Variants in SRRM2 observed in about 807,000 individuals in gnomAD.
SRRM2 encodes the protein serine/arginine repetitive matrix 2, also known as serine/arginine repetitive matrix protein 2.
SRRM2 carries 30 observed loss-of-function variants against 213.8 expected under a neutral mutation model. The ratio of observed to expected loss-of-function variants is 0.14; its 90% CI spans 0.10 to 0.19. The LOEUF (loss-of-function observed/expected upper bound fraction) is 0.19, where lower values mean the gene tolerates loss of function less well. Among genes scored for constraint, SRRM2 ranks in the 10% least tolerant of loss-of-function variants. The pLI is 1.00. For missense variants in SRRM2, 4,904 were observed against 3,647.0 expected (o/e 1.34, Z -8.88); for synonymous variants, 2,025 against 1,377.7 (o/e 1.47, Z -10.40).
rs142769330 is a variant in SRRM2, at chr16:2,767,730, T to C, written c.7202T>C (p.Leu2401Pro). The C allele has an allele frequency of 1.9e-6, 3 of 1,612,658 alleles. No individual in the cohort carries two copies. Among genetic ancestry groups the C allele is most frequent in the Admixed American group, 1.7e-5 (1 of 59,702 alleles). Residue 2401 changes from leucine (L) to proline (P), a missense_variant, in exon 11 of 15, where the codon CTC (leucine) becomes CCC (proline). Transcript: ENST00000301740. ...GTCAGTGGCAGAACCTCACCACCGC[T>C]CCTTGACCGAGCTAGGTCCAGAACA... ...ERVSGRTSPP[L>P]LDRARSRTPP... is the part of the protein sequence containing the mutation.
chr16:2,765,175 C>T lies in SRRM2; in HGVS notation c.4647C>T (p.Pro1549=). ...CCTCTCAAGAACTTGATGTGAAACCCAGTGCATCCCCTCAGGAAAGAAGTG... is the reference window on the plus strand; with the variant it reads ...CCTCTCAAGAACTTGATGTGAAACCTAGTGCATCCCCTCAGGAAAGAAGTG... ...SGSSQELDVK[P]SASPQERSES... is the part of the protein sequence containing the mutation. The change falls in exon 11 of 15, where the codon CCC becomes CCT. Residue 1549 remains proline (P), a synonymous_variant. Transcript: ENST00000301740. The T allele has an allele frequency of 2.5e-6, 4 of 1,614,190 alleles. No individual in the cohort carries two copies. In the South Asian group the frequency reaches 4.4e-5, roughly 18 times the overall value.
Position 2,764,713 on chromosome 16 carries a change from G to T in SRRM2, c.4185G>T (p.Gly1395=). Residue 1395 remains glycine (G), a synonymous_variant, in exon 11 of 15, where the codon GGG becomes GGT. Transcript: ENST00000301740. The stretch of plus-strand genomic sequence containing the variant: ...CCCCAGATGCAGTGGAAAAGGCAGG[G>T]ATGTCTTCAAATCAGAGCATCTCTT... ...ELSPDAVEKA[G]MSSNQSISSP... 1 of 1,614,092 alleles carries T rather than the reference G, an allele frequency of 6.2e-7. No homozygotes were observed. Among genetic ancestry groups the T allele is most frequent in the Non-Finnish European group, 8.5e-7 (1 of 1,180,038 alleles).
At chr16:2,760,005 A>G (rs1567224234) in intron 9 of SRRM2, 1 of 542,090 alleles carries the variant, frequency 1.8e-6, no homozygotes, top group South Asian at 2.2e-5. Context: ...AGGTGGGCTC[A>G]GAGGTGAGTT....
chr16:2,761,190 C>T (rs572108731), intron 10 of SRRM2, among the ~76,000 whole-genome samples: 4 of 152,138 alleles, frequency 2.6e-5, no homozygotes, highest in African/African-American at 4.8e-5. Context: ...CATGCTGTTT[C>T]TTTTCGTTTA....
At position 2,765,349 on chromosome 16, in the gene SRRM2, G is replaced by A. The variant is rs1016452739; in HGVS notation, c.4821G>A (p.Lys1607=). 1.9e-6 allele frequency: 3 copies of A among 1,614,000 alleles called. No homozygotes were observed. The highest frequency in any genetic ancestry group is 2.7e-5 in the African/African-American group (2 of 74,890). ...GTTCCTCCCCTGAAGTGAAAGATAA[G>A]CCAAGAGCAGCACCCAGGGCACAGA... is the stretch of plus-strand genomic sequence containing the variant. The part of the protein sequence containing the change: ...RSGSSPEVKD[K]PRAAPRAQSG... The change falls in exon 11 of 15, where the codon AAG becomes AAA. Residue 1607 remains lysine, a synonymous_variant. Transcript: ENST00000301740.
intron 11 of SRRM2, chr16:2,768,786 A>G: frequency 1.1e-6 from 1 of 904,386 alleles, no homozygotes; most frequent in South Asian, 1.4e-5. Flanking sequence ...TTGATCCCTT[A>G]TGCTGCGGGC....
rs1596290635 is a variant in SRRM2, at chr16:2,767,412, T to C, written c.6884T>C (p.Val2295Ala). 4 of 1,613,982 alleles carry C rather than the reference T, an allele frequency of 2.5e-6. No homozygotes were observed. The highest frequency in any genetic ancestry group is 2.2e-5 in the South Asian group (2 of 91,076). The change falls in exon 11 of 15, where the codon GTG becomes GCG. Residue 2295 changes from valine (V) to alanine (A), a missense_variant. By Grantham distance (64) the Val-to-Ala change is moderately conservative. Coordinates refer to ENST00000301740, the MANE Select transcript of SRRM2 (RefSeq NM_016333.4). ...CCTCGCACTCCCACAGCCCCAGCTG[T>C]GAACCTAGCAGGGGCCAGAACCCCA... ...ADPRTPTAPA[V>A]NLAGARTPAA...
At chr16:2,760,796 C>A (rs888011787) in intron 10 of SRRM2, 6 of 289,446 alleles carry the variant, frequency 2.1e-5, no homozygotes, top group Admixed American at 9.3e-5. Context: ...CCGTATGATG[C>A]CTCTAGTTTC....
rs781756366 is a variant in SRRM2 at position 2,762,366 on chromosome 16, G to T, written c.1838G>T (p.Gly613Val). 6.2e-7 allele frequency: 1 copy of T among 1,614,124 alleles called. No individual in the cohort carries two copies. Among genetic ancestry groups the T allele is most frequent in the Non-Finnish European group, 8.5e-7 (1 of 1,179,996 alleles). ...CGGTCTAGAACACCAGCCCGGAGGG[G>T]CAGGTCTCGGTCTAGAACACCTGCT... ...RSRSRTPARR[G>V]RSRSRTPARR... Residue 613 changes from glycine (G) to valine (V), a missense_variant, in exon 11 of 15, where the codon GGC (glycine) becomes GTC (valine). Coordinates refer to ENST00000301740, the MANE Select transcript of SRRM2 (RefSeq NM_016333.4).
rs1406730659 is a variant in SRRM2 at position 2,756,452 on chromosome 16, C to T, written c.88C>T (p.Arg30Trp). The T allele has an allele frequency of 1.3e-5, 21 of 1,613,116 alleles. No individual in the cohort carries two copies. Among genetic ancestry groups the T allele is most frequent in the East Asian group, 2.2e-5 (1 of 44,880 alleles). Reference sequence around the variant, plus strand: ...CAACCTGTCCCTGGTGCGGGGCCGCCGGGGTGAGCGGCCTGACTACAAGGG... The same window carrying T: ...CAACCTGTCCCTGGTGCGGGGCCGCTGGGGTGAGCGGCCTGACTACAAGGG... ...QRNLSLVRGR[R>W]GERPDYKGEE... The change falls in exon 2 of 15, where the codon CGG (arginine) becomes TGG (tryptophan). Residue 30 changes from arginine to tryptophan, a missense_variant. Arg to Trp is a moderately radical substitution (Grantham distance 101). Transcript: ENST00000301740.
chr16:2,761,399 CTG>C (rs1197630980), intron 10 of SRRM2, among the ~76,000 whole-genome samples, 160 bp from the exon 11 acceptor site: 6 of 152,204 alleles, frequency 3.9e-5, no homozygotes, highest in Non-Finnish European at 7.3e-5. Context: ...GTTTTCACCA[CTG>C]TGCTTTATAT....
chr16:2,758,898 T>G, intron 5 of SRRM2, 87 bp from the exon 6 acceptor site: 3 of 1,499,350 alleles, frequency 2.0e-6, no homozygotes, highest in Non-Finnish European at 2.7e-6. Flanking sequence ...TCAAGTGTTT[T>G]AGAAACCTTT....
At chr16:2,761,287 A>G (rs1043872123) in intron 10 of SRRM2, among the ~76,000 whole-genome samples, 9 of 152,164 alleles carry the variant, frequency 5.9e-5, no homozygotes, top group African/African-American at 1.9e-4. Context: ...TTCCATTCTT[A>G]TAACATTTTG....
Position 2,767,369 on chromosome 16 carries a change from G to C in SRRM2, c.6841G>C (p.Ala2281Pro), listed in dbSNP as rs1446823147. The C allele has an allele frequency of 3.1e-6, 5 of 1,613,642 alleles. No individual in the cohort carries two copies. The highest frequency in any genetic ancestry group is 4.2e-6 in the Non-Finnish European group (5 of 1,180,032). ...ASPRTAVAPSAVNLADPRTPT... is the reference protein window; with the variant it reads ...ASPRTAVAPSPVNLADPRTPT... ...CCCCAGAACAGCGGTGGCACCTTCG[G>C]CTGTGAACCTGGCTGACCCTCGCAC... is the stretch of plus-strand genomic sequence containing the variant. The change falls in exon 11 of 15, where the codon GCT becomes CCT. Residue 2281 changes from alanine to proline, a missense_variant. Physicochemically the swap from Ala to Pro is conservative, Grantham distance 27. Transcript: ENST00000301740.
In SRRM2 at chr16:2,755,892, T is replaced by G. The variant is rs1171290430; in HGVS notation, c.-31-442T>G. On this transcript the variant is annotated intron_variant, in intron 1 of 14. Transcript: ENST00000301740. ...GTGCCACAGATCTGTGTCTGGTGTT[T>G]GTTGTGACCAGGAGGCTTTGGTTGG... Among the ~76,000 whole-genome samples the G allele has an allele frequency of 4.6e-5, 7 of 152,194 alleles. No individual in the cohort carries two copies. In the East Asian group the frequency reaches 1.3e-3, roughly 29 times the overall value.
rs747061247 is a variant in SRRM2 at position 2,771,001 on chromosome 16, C to T, written c.*134C>T. 9 of 994,412 alleles carry T rather than the reference C, an allele frequency of 9.1e-6. No individual in the cohort carries two copies. The highest frequency in any genetic ancestry group is 5.4e-5 in the East Asian group (2 of 37,346). The allele number at this position is 994,412 out of a possible 1,614,324, so 61.6% of individuals were successfully genotyped here. A position where few individuals can be genotyped will look rare whatever the true frequency, so the allele number is the denominator to read the frequency against. On this transcript the variant is annotated 3_prime_UTR_variant, in exon 15 of 15. Transcript: ENST00000301740. Reference sequence around the variant, plus strand: ...TGGCAGCCCTTGGATGGAGGGCTCCCTTTCCCTCCCCTTTTTTTTTTCTTT... The same window carrying T: ...TGGCAGCCCTTGGATGGAGGGCTCCTTTTCCCTCCCCTTTTTTTTTTCTTT...
chr16:2,753,316 G>T (rs2068009280), intron 1 of SRRM2: 1 of 152,290 alleles, frequency 6.6e-6, no homozygotes, highest in Non-Finnish European at 1.5e-5. Flanking sequence ...GGGCCTCCCA[G>T]ACTGCGGGAC....
In SRRM2 at chr16:2,760,336, C is replaced by T. The variant is rs775580573; in HGVS notation, c.869C>T (p.Ala290Val). ...RSAAAKTHTT[A>V]LAGRSPSPAS... The stretch of plus-strand genomic sequence containing the variant: ...GCTGCAGCTAAAACTCATACAACTG[C>T]CTTGGCTGGGCGAAGTCCTTCCCCT... Residue 290 changes from alanine (A) to valine (V), a missense_variant, in exon 10 of 15, where the codon GCC becomes GTC. Coordinates refer to ENST00000301740, the MANE Select transcript of SRRM2 (RefSeq NM_016333.4). 5.0e-6 allele frequency: 8 copies of T among 1,613,958 alleles called. No homozygotes were observed. Among genetic ancestry groups the T allele is most frequent in the Admixed American group, 1.7e-5 (1 of 60,014 alleles).
rs539974694 is a variant in SRRM2 at position 2,758,608 on chromosome 16, C to T, written c.593+61C>T. 2.6e-6 allele frequency: 4 copies of T among 1,512,740 alleles called. No individual in the cohort carries two copies. In the African/African-American group the frequency reaches 5.5e-5, roughly 21 times the overall value. 93.7% of individuals were successfully genotyped at this position (1,512,740 alleles called of 1,614,324 possible). On this transcript the variant is annotated intron_variant, in intron 5 of 14. Transcript: ENST00000301740. The stretch of plus-strand genomic sequence containing the variant: ...GACCAATCCTGTGGTGTACCTTTCT[C>T]TCTGGAAGTGGACAGTTCTGGCTTC...
Sources: allele counts gnomAD v4.1 joint callset (sites outside exome capture counted in the v4.1 genomes callset), GRCh38; gene constraint gnomAD v4.1.1; transcripts MANE v1.5; gene names NCBI Gene and HGNC (gene_info 2026-07-23, HGNC 2026-07-21).